The following CACNA2D3 variants were observed in gnomAD, a reference collection of about 807,000 sequenced individuals.
CACNA2D3 encodes the protein voltage-dependent calcium channel subunit alpha-2/delta-3.
A neutral mutation model predicts 160.6 loss-of-function variants in CACNA2D3; 60 were observed. That is an observed-to-expected ratio of 0.37 (90% CI 0.30 to 0.46). The LOEUF is 0.46. CACNA2D3 is among the 20% of genes least tolerant of loss of function. CACNA2D3 has a pLI of 1.00. For missense variants in CACNA2D3, 1,205 were observed against 1,365.0 expected (o/e 0.88, Z 1.85); for synonymous variants, 558 against 492.9 (o/e 1.13, Z -1.75).
chr3:54,337,028 A>G (rs1022076189), intron 3 of CACNA2D3, among the ~76,000 whole-genome samples: 3 of 152,170 alleles, frequency 2.0e-5, no homozygotes, highest in African/African-American at 7.2e-5. Flanking sequence ...ATGTGCTAAG[A>G]GTATGAATAG....
intron 9 of CACNA2D3, among the ~76,000 whole-genome samples, chr3:54,595,931 T>C (rs1243047368): frequency 6.6e-6 from 1 of 152,122 alleles, no homozygotes; most frequent in African/African-American, 2.4e-5. Context: ...CAAAGCCATT[T>C]ACTCTATATA....
intron 13 of CACNA2D3, among the ~76,000 whole-genome samples, chr3:54,778,940 G>T (rs1340646831): frequency 6.6e-6 from 1 of 152,120 alleles, no homozygotes; most frequent in Non-Finnish European, 1.5e-5. Context: ...ATCCAACAAA[G>T]ATTTTGCCAC....
chr3:54,998,769 T>G (rs1388927204), intron 31 of CACNA2D3, among the ~76,000 whole-genome samples: 2 of 151,834 alleles, frequency 1.3e-5, no homozygotes, highest in Non-Finnish European at 2.9e-5. Flanking sequence ...TTTTTTGAGA[T>G]GGAGTCTTGC....
chr3:54,875,638 G>T (rs1699641248), intron 18 of CACNA2D3: 1 of 152,254 alleles, frequency 6.6e-6, no homozygotes, highest in East Asian at 1.9e-4. Flanking sequence ...AGGAAACGTG[G>T]CTTCCACCTG....
At chr3:54,226,449 T>C (rs1346253668) in intron 2 of CACNA2D3, among the ~76,000 whole-genome samples, 1 of 151,496 alleles carries the variant, frequency 6.6e-6, no homozygotes, top group Non-Finnish European at 1.5e-5. Flanking sequence ...ACCACAGGCA[T>C]GTGCCACCAC....
chr3:54,769,791 T>C (rs1702286293), intron 13 of CACNA2D3, among the ~76,000 whole-genome samples: 1 of 152,210 alleles, frequency 6.6e-6, no homozygotes, highest in Non-Finnish European at 1.5e-5. Context: ...ATATTCATAA[T>C]AGAACTTGGT....
At chr3:54,253,833 T>C (rs1559897253) in intron 2 of CACNA2D3, among the ~76,000 whole-genome samples, 1 of 152,114 alleles carries the variant, frequency 6.6e-6, no homozygotes, top group Non-Finnish European at 1.5e-5. Flanking sequence ...AGTGGCACCA[T>C]CTCGGCTCGC....
intron 11 of CACNA2D3, among the ~76,000 whole-genome samples, chr3:54,697,717 A>T (rs1369990445): frequency 6.6e-6 from 1 of 152,196 alleles, no homozygotes. Flanking sequence ...TATAGGCAAG[A>T]TACTTCTAGT....
At chr3:54,626,434 G>T in intron 9 of CACNA2D3, 4 of 1,590,966 alleles carry the variant, frequency 2.5e-6, no homozygotes, top group Non-Finnish European at 3.4e-6. Context: ...GAAGCCGGAA[G>T]TGGTGAAGAC....
chr3:54,554,308 C>T (rs1702205624), intron 5 of CACNA2D3, among the ~76,000 whole-genome samples: 1 of 152,188 alleles, frequency 6.6e-6, no homozygotes, highest in Admixed American at 6.5e-5. Flanking sequence ...CATTGTTTCT[C>T]TCCTCATACT....
intron 4 of CACNA2D3, among the ~76,000 whole-genome samples, chr3:54,410,289 G>A (rs963434882): frequency 1.4e-4 from 21 of 152,104 alleles, no homozygotes; most frequent in African/African-American, 5.1e-4. Flanking sequence ...GGGAGGTGGA[G>A]GATGCAGTGC....
chr3:54,143,010 C>T (rs186120693), intron 2 of CACNA2D3, among the ~76,000 whole-genome samples: 2 of 152,346 alleles, frequency 1.3e-5, no homozygotes, highest in Admixed American at 1.3e-4. Flanking sequence ...CTAGCTAACA[C>T]TGGTTCTCCA....
intron 27 of CACNA2D3, among the ~76,000 whole-genome samples, chr3:54,942,441 T>G (rs2106988476): frequency 6.6e-6 from 1 of 152,318 alleles, no homozygotes; most frequent in Admixed American, 6.5e-5. Context: ...AGGGAAATAG[T>G]TTTAGGCCTG....
At chr3:54,980,181 T>C (rs1243686563) in intron 29 of CACNA2D3, among the ~76,000 whole-genome samples, 1 of 152,230 alleles carries the variant, frequency 6.6e-6, no homozygotes, top group Non-Finnish European at 1.5e-5. Flanking sequence ...TAAAACCTTA[T>C]AGACAAATGT....
intron 4 of CACNA2D3, among the ~76,000 whole-genome samples, chr3:54,461,026 G>C (rs1700494124): frequency 6.6e-6 from 1 of 152,038 alleles, no homozygotes; most frequent in African/African-American, 2.4e-5. Flanking sequence ...TGCATCTATT[G>C]AGATAATCAT....
intron 2 of CACNA2D3, among the ~76,000 whole-genome samples, chr3:54,259,567 G>T (rs1702367164): frequency 6.6e-6 from 1 of 152,158 alleles, no homozygotes; most frequent in Non-Finnish European, 1.5e-5. Context: ...GGATTGAAAA[G>T]AACTCTTCCA....
intron 31 of CACNA2D3, among the ~76,000 whole-genome samples, chr3:55,001,851 C>T (rs1702985358): frequency 6.6e-6 from 1 of 152,140 alleles, no homozygotes; most frequent in Non-Finnish European, 1.5e-5. Context: ...AGAGTACCAG[C>T]AAGCTGCTCA....
At chr3:54,354,473 A>C (rs961695186) in intron 3 of CACNA2D3, among the ~76,000 whole-genome samples, 1 of 152,162 alleles carries the variant, frequency 6.6e-6, no homozygotes, top group Non-Finnish European at 1.5e-5. Context: ...AAAAAAAATG[A>C]CAAACAGTGC....
At chr3:54,558,622 G>A (rs1213641561) in intron 5 of CACNA2D3, among the ~76,000 whole-genome samples, 10 of 151,982 alleles carry the variant, frequency 6.6e-5, no homozygotes, top group Non-Finnish European at 1.0e-4. Flanking sequence ...CTTTGTGTCC[G>A]TGTGTACTCA....
Sources: gnomAD v4.1 joint callset for allele counts (sites outside exome capture counted in the v4.1 genomes callset) on GRCh38, gnomAD v4.1.1 for gene constraint, MANE v1.5 for transcripts, NCBI Gene and HGNC (gene_info 2026-07-23, HGNC 2026-07-21) for gene names.